The following GRIP2 variants were observed in gnomAD, a reference collection of about 807,000 sequenced individuals.
GRIP2 encodes glutamate receptor interacting protein 2.
A neutral mutation model predicts 108.3 loss-of-function variants in GRIP2; 58 were observed. That is an observed-to-expected ratio of 0.54 (90% CI 0.43 to 0.67). The LOEUF is 0.67. Among genes scored for constraint, GRIP2 ranks in the 30% least tolerant of loss-of-function variants. The probability of loss-of-function intolerance (pLI) is 0.00; values close to 1 mark genes in which losing one functional copy is unlikely to be tolerated. For missense variants in GRIP2, 1,278 were observed against 1,430.6 expected (o/e 0.89, Z 1.72); for synonymous variants, 586 against 598.2 (o/e 0.98, Z 0.30).
rs1574986377 is a variant in GRIP2 at position 14,496,327 on chromosome 3, A to C, written c.2823+90T>G. 2.6e-6 allele frequency: 3 copies of C among 1,151,000 alleles called. No homozygotes were observed. In the East Asian group the frequency reaches 7.8e-5, roughly 30 times the overall value. 71.3% of individuals were successfully genotyped at this position (1,151,000 alleles called of 1,614,324 possible). ...TGTGGTGGAGGAGACTAAAGCCCTGAGAGGGGCAGGGCCCCTCTGGAGTCC... is the reference window on the plus strand; with the variant it reads ...TGTGGTGGAGGAGACTAAAGCCCTGCGAGGGGCAGGGCCCCTCTGGAGTCC... On this transcript the variant is annotated intron_variant, in intron 22 of 23. Coordinates refer to ENST00000621039, the MANE Select transcript of GRIP2 (RefSeq NM_001080423.4).
At chr3:14,520,779 G>A in intron 7 of GRIP2, 2 of 540,758 alleles carry the variant, frequency 3.7e-6, no homozygotes, top group Non-Finnish European at 3.3e-6. Context: ...TGTGATCCCA[G>A]GGCTTTGCTG....
chr3:14,593,620 A>G, the GRIP2 span, among the ~76,000 whole-genome samples: 63 of 152,310 alleles, frequency 4.1e-4, no homozygotes, highest in Admixed American at 3.2e-3. Context: ...CACGAGGCGC[A>G]GGCCATCCTC....
intron 1 of GRIP2, among the ~76,000 whole-genome samples, chr3:14,532,719 G>T (rs1460278671): frequency 6.6e-6 from 1 of 151,974 alleles, no homozygotes; most frequent in East Asian, 1.9e-4. Context: ...TAAGGGCGGG[G>T]CTCAGACTGA....
rs184636029 is a variant in GRIP2 at position 14,491,881 on chromosome 3, G to C, written c.*1784C>G. 1 of 152,436 alleles carries C rather than the reference G, an allele frequency of 6.6e-6. No individual in the cohort carries two copies. Among genetic ancestry groups the C allele is most frequent in the African/African-American group, 2.4e-5 (1 of 41,576 alleles). 9.4% of individuals were successfully genotyped at this position (152,436 alleles called of 1,614,324 possible). The stretch of plus-strand genomic sequence containing the variant: ...GCTTTCACTTGGTGCCCTGTGACAG[G>C]TAGACAGTGCCCTTTCACTCTGGGC... On this transcript the variant is annotated 3_prime_UTR_variant, in exon 24 of 24. Transcript: ENST00000621039.
chr3:14,535,997 C>T (rs1207969252), intron 1 of GRIP2, among the ~76,000 whole-genome samples: 4 of 152,196 alleles, frequency 2.6e-5, no homozygotes, highest in Admixed American at 6.5e-5. Flanking sequence ...TCCCCACGGG[C>T]GACAAGCCTC....
At chr3:14,534,094 G>A (rs891965213) in intron 1 of GRIP2, among the ~76,000 whole-genome samples, 1 of 152,186 alleles carries the variant, frequency 6.6e-6, no homozygotes, top group African/African-American at 2.4e-5. Context: ...AAAGGTGCCC[G>A]GAAGGAATGC....
chr3:14,525,478 C>T lies in GRIP2; in HGVS notation c.216G>A (p.Lys72=). Reference sequence around the variant, plus strand: ...CAGGTCTCAGGTTGGAGACCCTGGGCTTTCCATCCTTGTCGGTGCCACCTG... The same window carrying T: ...CAGGTCTCAGGTTGGAGACCCTGGGTTTTCCATCCTTGTCGGTGCCACCTG... ...TISGGTDKDG[K]PRVSNLRPGG... is the part of the protein sequence containing the mutation. Residue 72 remains lysine, a synonymous_variant, in exon 3 of 24, where the codon AAG becomes AAA. Coordinates refer to ENST00000621039, the MANE Select transcript of GRIP2 (RefSeq NM_001080423.4). 2 of 1,613,566 alleles carry T rather than the reference C, an allele frequency of 1.2e-6. No individual in the cohort carries two copies. Among genetic ancestry groups the T allele is most frequent in the Non-Finnish European group, 1.7e-6 (2 of 1,179,828 alleles).
the GRIP2 span, among the ~76,000 whole-genome samples, chr3:14,587,412 C>A: frequency 6.6e-6 from 1 of 152,060 alleles, no homozygotes; most frequent in African/African-American, 2.4e-5. Flanking sequence ...GTGTGGATCA[C>A]CTGAGGTCAG....
intron 5 of GRIP2, 74 bp from the exon 6 acceptor site, chr3:14,523,149 G>T: frequency 1.8e-6 from 2 of 1,121,356 alleles, no homozygotes; most frequent in South Asian, 1.5e-5. Context: ...CACAGCCCCT[G>T]AGCAGGCTCC....
chr3:14,511,417 G>C lies in GRIP2; in HGVS notation c.1783C>G (p.His595Asp). The C allele has an allele frequency of 6.2e-7, 1 of 1,613,980 alleles. No homozygotes were observed. The highest frequency in any genetic ancestry group is 8.5e-7 in the Non-Finnish European group (1 of 1,179,884). Residue 595 changes from histidine to aspartate, a missense_variant, in exon 15 of 24, where the codon CAC (histidine) becomes GAC (aspartate). Physicochemically the swap from His to Asp is moderately conservative, Grantham distance 81. Transcript: ENST00000621039. This position sits in a 1 kb window ranked among gnomAD's most constrained non-coding sequence, Gnocchi z 4.1. ...ISDIKKGSVA[H>D]RTGTLEPGDK... ...CCTGTGCCCCAGTGCCCCTACCTGT[G>C]TGCCACGCTGCCTTTCTTGATGTCG...
chr3:14,602,935 C>T, the GRIP2 span, among the ~76,000 whole-genome samples: 2 of 149,902 alleles, frequency 1.3e-5, no homozygotes, highest in African/African-American at 4.9e-5. The surrounding 1 kb of genome is among the most constrained non-coding windows in gnomAD (Gnocchi z 4.7). Context: ...TACCTTCGTC[C>T]GGCAGCCGCT....
the GRIP2 span, among the ~76,000 whole-genome samples, chr3:14,596,916 A>T: frequency 1.3e-5 from 2 of 152,006 alleles, no homozygotes; most frequent in African/African-American, 4.8e-5. Context: ...GATTTTTTAA[A>T]TTTTTTTGTA....
At position 14,522,962 on chromosome 3, in the gene GRIP2, G is replaced by C. The variant is rs375438884; in HGVS notation, c.566+38C>G. On this transcript the variant is annotated intron_variant, in intron 6 of 23. Transcript: ENST00000621039. This position sits in a 1 kb window ranked among gnomAD's most constrained non-coding sequence, Gnocchi z 4.3. ...CTTCTTCGCAGGGGAGTTGGGGCAG[G>C]TCAGTGCAGTGTGTGGATTTCTTCT... The C allele has an allele frequency of 1.9e-6, 3 of 1,573,018 alleles. No individual in the cohort carries two copies. Among genetic ancestry groups the C allele is most frequent in the Non-Finnish European group, 2.6e-6 (3 of 1,142,582 alleles).
chr3:14,519,893 GCCAGCAGA>G (rs1694356086), intron 9 of GRIP2, among the ~76,000 whole-genome samples: 3 of 152,014 alleles, frequency 2.0e-5, no homozygotes, highest in Non-Finnish European at 4.4e-5. Flanking sequence ...GGGCATCTAT[GCCAGCAGA>G]CTCAATTCAA....
rs1015764010 is a variant in GRIP2, at chr3:14,512,811, C to T, written c.1686G>A (p.Lys562=). The T allele has an allele frequency of 1.2e-6, 2 of 1,613,740 alleles. No homozygotes were observed. The highest frequency in any genetic ancestry group is 1.7e-6 in the Non-Finnish European group (2 of 1,179,884). Residue 562 remains lysine, a synonymous_variant, in exon 14 of 24, where the codon AAG becomes AAA. Coordinates refer to ENST00000621039, the MANE Select transcript of GRIP2 (RefSeq NM_001080423.4). The surrounding 1 kb of genome is among the most constrained non-coding windows in gnomAD (Gnocchi z 5.1). ...SSGTFHVKLP[K]KRSVELGITI... ...TGATGCCCAGCTCCACGCTGCGCTT[C>T]TTGGGCAGCTTCACGTGGAAGGTGC...
chr3:14,506,992 G>A lies in GRIP2; in HGVS notation c.2219-12C>T, dbSNP rs771895656. 25 of 1,583,628 alleles carry A rather than the reference G, an allele frequency of 1.6e-5. No homozygotes were observed. In the South Asian group the frequency reaches 2.5e-4, roughly 16 times the overall value. On this transcript the variant is annotated splice_polypyrimidine_tract_variant and intron_variant, in intron 18 of 23. Transcript: ENST00000621039. ...GGGTAGGAGGGGACCTGGGAGGAGA[G>A]AGGGGTGTCAATTCTGACTTCAGAG...
chr3:14,600,490 C>T, the GRIP2 span, among the ~76,000 whole-genome samples: 1 of 152,206 alleles, frequency 6.6e-6, no homozygotes, highest in Non-Finnish European at 1.5e-5. Context: ...AAGCCCACTC[C>T]TCTTTGTTGA....
In GRIP2 at chr3:14,514,299, C is replaced by A; in HGVS notation, c.1486G>T (p.Ala496Ser). The change falls in exon 12 of 24, where the codon GCT becomes TCT. Residue 496 changes from alanine (A) to serine (S), a missense_variant. Ala to Ser is a moderately conservative substitution (Grantham distance 99). Coordinates refer to ENST00000621039, the MANE Select transcript of GRIP2 (RefSeq NM_001080423.4). ...AGGGGGCAGGAGGCTCACCTCTCAGCCGGACTGTCAGGCTCGATGAAGCAC... is the reference window on the plus strand; with the variant it reads ...AGGGGGCAGGAGGCTCACCTCTCAGACGGACTGTCAGGCTCGATGAAGCAC... The part of the protein sequence containing the change: ...LVCFIEPDSP[A>S]ERCGLLQVGD... 6.4e-7 allele frequency: 1 copy of A among 1,557,324 alleles called. No individual in the cohort carries two copies. The highest frequency in any genetic ancestry group is 8.7e-7 in the Non-Finnish European group (1 of 1,151,542).
the GRIP2 span, among the ~76,000 whole-genome samples, chr3:14,571,281 C>T: frequency 6.6e-6 from 1 of 152,106 alleles, no homozygotes; most frequent in African/African-American, 2.4e-5. Flanking sequence ...TGCCTGGCCT[C>T]GTAGGCATCT....
Sources: allele counts gnomAD v4.1 joint callset (sites outside exome capture counted in the v4.1 genomes callset), GRCh38; gene constraint gnomAD v4.1.1; non-coding constraint Gnocchi (gnomAD v3.1); transcripts MANE v1.5; gene names NCBI Gene and HGNC (gene_info 2026-07-23, HGNC 2026-07-21).